The following RCL1 variants were observed in gnomAD, a reference collection of about 807,000 sequenced individuals.
The protein encoded by RCL1 is RNA 3'-terminal phosphate cyclase-like protein.
Under a neutral mutation model 42.4 loss-of-function variants are expected in RCL1, and 24 were observed. That is an observed-to-expected ratio of 0.57 (90% confidence interval 0.41 to 0.80). The LOEUF (loss-of-function observed/expected upper bound fraction) is 0.80. Ranked by LOEUF, RCL1 falls within the 30% of genes least tolerant of loss-of-function variation. The pLI is 0.00. For missense variants in RCL1, 578 were observed against 467.9 expected, an observed-to-expected ratio of 1.24 and a Z score of -2.17; for synonymous variants, 228 against 177.3, an observed-to-expected ratio of 1.29 and a Z score of -2.27.
In RCL1 at chr9:4,844,526, T is replaced by A. The variant is rs892182941; in HGVS notation, c.712T>A (p.Ser238Thr). The A allele has an allele frequency of 1.2e-6, 2 of 1,610,824 alleles. No individual in the cohort carries two copies. Among genetic ancestry groups the A allele is most frequent in the African/African-American group, 2.7e-5 (2 of 74,818 alleles). Residue 238 changes from serine to threonine, a missense_variant and splice_region_variant, in exon 7 of 9, where the codon TCT (serine) becomes ACT (threonine). By Grantham distance (58) the Ser-to-Thr change is moderately conservative (BLOSUM62 1). Coordinates refer to ENST00000381750, the MANE Select transcript of RCL1 (RefSeq NM_005772.5). ...GTGTTTGTGCCTTTGTATCTCCAGG[T>A]CTCCGGGCTTTGGGTTGTCACTGGT... The part of the protein sequence containing the change: ...DHMKGVNSGK[S>T]PGFGLSLVAE...
intron 7 of RCL1, among the ~76,000 whole-genome samples, chr9:4,847,737 G>A (rs1817571290): frequency 6.6e-6 from 1 of 152,222 alleles, no homozygotes; most frequent in African/African-American, 2.4e-5. Context: ...TTTCGGAAAG[G>A]CTTGCCTTAA....
chr9:4,833,274 T>C lies in RCL1; in HGVS notation c.459+46T>C, dbSNP rs1195088794. 3 of 1,404,132 alleles carry C rather than the reference T, an allele frequency of 2.1e-6. No homozygotes were observed. In the Admixed American group the frequency reaches 5.0e-5, roughly 24 times the overall value. The allele number at this position is 1,404,132 out of a possible 1,614,324, so 87.0% of individuals were successfully genotyped here. On this transcript the variant is annotated intron_variant, in intron 4 of 8. Transcript: ENST00000381750. The stretch of plus-strand genomic sequence containing the variant: ...GACCATATGTTCCTGTGGAAAACAT[T>C]TTCCCACTGACTCATTGGAAGAGCT...
chr9:4,855,463 A>T (rs1458048848), intron 8 of RCL1, among the ~76,000 whole-genome samples: 1 of 151,914 alleles, frequency 6.6e-6, no homozygotes, highest in Non-Finnish European at 1.5e-5. Flanking sequence ...TGAACTCAAG[A>T]GGCGGTGCCT....
intron 1 of RCL1, 46 bp downstream of exon 1, chr9:4,793,273 G>A: frequency 1.3e-6 from 2 of 1,543,850 alleles, no homozygotes; most frequent in Non-Finnish European, 1.7e-6. Flanking sequence ...GGGGCTGAGG[G>A]GAGACCGAGC....
intron 1 of RCL1, among the ~76,000 whole-genome samples, chr9:4,800,386 T>G (rs996250427): frequency 2.0e-5 from 3 of 151,970 alleles, no homozygotes; most frequent in Admixed American, 1.3e-4. Flanking sequence ...AGATAATTTT[T>G]GTATTTTTAG....
intron 1 of RCL1, among the ~76,000 whole-genome samples, chr9:4,798,023 C>T (rs1422631117): frequency 1.3e-5 from 2 of 152,282 alleles, no homozygotes; most frequent in East Asian, 3.9e-4. Context: ...TTTCTTGTTG[C>T]TGCTGTTTTA....
chr9:4,809,535 C>G (rs1342906682), intron 1 of RCL1, among the ~76,000 whole-genome samples: 2 of 152,136 alleles, frequency 1.3e-5, no homozygotes, highest in Non-Finnish European at 2.9e-5. Context: ...GTCTCGATCT[C>G]CTGACCTTGT....
chr9:4,816,681 G>C (rs141139955), intron 1 of RCL1, among the ~76,000 whole-genome samples: 236 of 152,142 alleles, frequency 1.6e-3, no homozygotes, highest in Non-Finnish European at 2.8e-3. Context: ...TACTTTCTGA[G>C]ATGTTATTTA....
intron 1 of RCL1, among the ~76,000 whole-genome samples, chr9:4,794,727 A>G (rs1038731173): frequency 6.6e-6 from 1 of 150,856 alleles, no homozygotes; most frequent in Admixed American, 6.6e-5. Context: ...GAGTTTTTCT[A>G]TTGACAGGTG....
At chr9:4,835,481 G>A (rs760125383) in intron 5 of RCL1, among the ~76,000 whole-genome samples, 7 of 152,174 alleles carry the variant, frequency 4.6e-5, no homozygotes, top group Admixed American at 3.9e-4. Flanking sequence ...GGAGTGAAGG[G>A]GAGGGAAACA....
At chr9:4,830,922 G>A (rs1027901678) in intron 3 of RCL1, among the ~76,000 whole-genome samples, 1 of 152,152 alleles carries the variant, frequency 6.6e-6, no homozygotes, top group Non-Finnish European at 1.5e-5. Context: ...TGACCGCAGA[G>A]TGGACCGATC....
intron 8 of RCL1, among the ~76,000 whole-genome samples, chr9:4,854,946 G>A (rs1369294135): frequency 1.3e-5 from 2 of 151,734 alleles, no homozygotes; most frequent in Non-Finnish European, 2.9e-5. Context: ...CCAGCTACTC[G>A]GGAGGCTGAG....
intron 8 of RCL1, among the ~76,000 whole-genome samples, chr9:4,855,072 A>AACAAC (rs56709677): frequency 2.8e-5 from 4 of 140,628 alleles, no homozygotes; most frequent in African/African-American, 5.3e-5. Flanking sequence ...AAAAAAAAAA[A>AACAAC]ATAGGAAAAG....
In RCL1 at chr9:4,826,972, T is replaced by C. The variant is rs1335359573; in HGVS notation, c.323T>C (p.Phe108Ser). The C allele has an allele frequency of 6.2e-7, 1 of 1,614,024 alleles. No individual in the cohort carries two copies. The highest frequency in any genetic ancestry group is 8.5e-7 in the Non-Finnish European group (1 of 1,180,030). Residue 108 changes from phenylalanine to serine, a missense_variant, in exon 3 of 9, where the codon TTT becomes TCT. Physicochemically the swap from Phe to Ser is radical, Grantham distance 155. Transcript: ENST00000381750. ...YLESLLCLAP[F>S]MKHPLKIVLR... is the part of the protein sequence containing the mutation. ...GAGAGTCTTCTTTGCTTGGCTCCAT[T>C]TATGAAGCACCCGTTAAAAATAGTT...
intron 1 of RCL1, among the ~76,000 whole-genome samples, chr9:4,802,074 ATTTTTTTTTTTTTT>A (rs34756856): frequency 1.0e-5 from 1 of 95,458 alleles, no homozygotes; most frequent in Non-Finnish European, 2.1e-5. Context: ...ACGCCTGGCT[ATTTTTTTTTTTTTT>A]TTTTTTTTTG....
intron 6 of RCL1, among the ~76,000 whole-genome samples, chr9:4,843,345 C>G (rs2129675912): frequency 6.6e-6 from 1 of 152,082 alleles, no homozygotes; most frequent in South Asian, 2.1e-4. Context: ...GCACATCAGT[C>G]CAGTGTGGTC....
chr9:4,802,652 A>G (rs749533360), intron 1 of RCL1, among the ~76,000 whole-genome samples: 10 of 152,206 alleles, frequency 6.6e-5, no homozygotes, highest in Non-Finnish European at 1.2e-4. Flanking sequence ...TTATTTACAA[A>G]TATACGGAAG....
At chr9:4,795,375 G>A (rs1382285870) in intron 1 of RCL1, among the ~76,000 whole-genome samples, 3 of 152,104 alleles carry the variant, frequency 2.0e-5, no homozygotes, top group East Asian at 1.9e-4. Flanking sequence ...GAGCCGCTGC[G>A]CCCAGCCTGT....
intron 7 of RCL1, among the ~76,000 whole-genome samples, chr9:4,848,214 G>A (rs1277142260): frequency 1.3e-5 from 2 of 152,198 alleles, no homozygotes; most frequent in African/African-American, 4.8e-5. Context: ...GGTAGAAAAG[G>A]AAAAGGAACT....
Sources: gnomAD v4.1 joint callset for allele counts (sites outside exome capture counted in the v4.1 genomes callset) on GRCh38, gnomAD v4.1.1 for gene constraint, MANE v1.5 for transcripts, NCBI Gene and HGNC (gene_info 2026-07-23, HGNC 2026-07-21) for gene names.